Variants in PAWR observed in about 807,000 individuals in gnomAD.
The protein encoded by PAWR is pro-apoptotic WT1 regulator.
Under a neutral mutation model 32.0 loss-of-function variants are expected in PAWR, and 23 were observed. The observed-to-expected ratio is 0.72, with a 90% CI of 0.52 to 1.02. The LOEUF (loss-of-function observed/expected upper bound fraction) is 1.02. PAWR is among the 50% of genes least tolerant of loss of function. PAWR has a pLI of 0.00. For synonymous variants in PAWR, 226 were observed against 187.1 expected, an observed-to-expected ratio of 1.21 and a Z score of -1.70; for missense variants, 457 against 437.7, an observed-to-expected ratio of 1.04 and a Z score of -0.39.
intron 2 of PAWR, among the ~76,000 whole-genome samples, chr12:79,623,920 T>C (rs1449663196): frequency 2.0e-5 from 3 of 151,954 alleles, no homozygotes; most frequent in Non-Finnish European, 2.9e-5. Context: ...TAAAATAGCA[T>C]AAAAGGCATT....
chr12:79,667,313 A>T (rs1374325637), intron 2 of PAWR, among the ~76,000 whole-genome samples: 1 of 152,236 alleles, frequency 6.6e-6, no homozygotes, highest in Non-Finnish European at 1.5e-5. Flanking sequence ...GGAAGTACAA[A>T]ATACCACATA....
At chr12:79,640,010 T>C (rs1362176773) in intron 2 of PAWR, among the ~76,000 whole-genome samples, 3 of 152,062 alleles carry the variant, frequency 2.0e-5, no homozygotes, top group African/African-American at 7.2e-5. Flanking sequence ...GTTCAAGTAA[T>C]TCTCCTGCCT....
At chr12:79,599,548 C>A (rs897403479) in intron 4 of PAWR, among the ~76,000 whole-genome samples, 3 of 152,168 alleles carry the variant, frequency 2.0e-5, no homozygotes, top group Non-Finnish European at 4.4e-5. Flanking sequence ...GATACTGTAA[C>A]CCTTTGCAAG....
chr12:79,616,971 C>A (rs779945309), intron 3 of PAWR, among the ~76,000 whole-genome samples: 1 of 152,202 alleles, frequency 6.6e-6, no homozygotes, highest in Non-Finnish European at 1.5e-5. Context: ...TTGAAGCACA[C>A]AGACGACACG....
intron 2 of PAWR, among the ~76,000 whole-genome samples, chr12:79,641,054 T>G (rs1161705494): frequency 6.6e-6 from 1 of 152,208 alleles, no homozygotes; most frequent in Non-Finnish European, 1.5e-5. Context: ...TACAACACAC[T>G]CATCATTAAA....
At chr12:79,657,281 G>A (rs1190069315) in intron 2 of PAWR, among the ~76,000 whole-genome samples, 4 of 152,124 alleles carry the variant, frequency 2.6e-5, no homozygotes, top group Non-Finnish European at 5.9e-5. Context: ...GGATTACAAA[G>A]GAACACGGGT....
intron 2 of PAWR, among the ~76,000 whole-genome samples, chr12:79,675,849 C>G (rs1002640257): frequency 5.3e-5 from 8 of 151,992 alleles, no homozygotes; most frequent in Non-Finnish European, 8.8e-5. Flanking sequence ...TGCAGCAAAT[C>G]TGCAAATGTA....
intron 2 of PAWR, among the ~76,000 whole-genome samples, chr12:79,676,951 A>G (rs934676150): frequency 2.6e-5 from 4 of 152,230 alleles, no homozygotes; most frequent in African/African-American, 9.6e-5. Flanking sequence ...TACTAAGAGT[A>G]TGACCTAACA....
intron 4 of PAWR, among the ~76,000 whole-genome samples, chr12:79,601,509 A>G (rs1310595439): frequency 6.6e-6 from 1 of 152,084 alleles, no homozygotes; most frequent in Non-Finnish European, 1.5e-5. Context: ...CTGGCCCTGA[A>G]AGCTATTTTA....
At chr12:79,661,065 C>T (rs1264416141) in intron 2 of PAWR, among the ~76,000 whole-genome samples, 1 of 151,324 alleles carries the variant, frequency 6.6e-6, no homozygotes, top group Non-Finnish European at 1.5e-5. Flanking sequence ...GTCAGGAGTT[C>T]GAGACCAGCC....
At chr12:79,654,810 G>A (rs1443157130) in intron 2 of PAWR, among the ~76,000 whole-genome samples, 1 of 151,972 alleles carries the variant, frequency 6.6e-6, no homozygotes, top group African/African-American at 2.4e-5. Context: ...ACAACACGGA[G>A]GAAACCACCC....
At chr12:79,672,938 C>T (rs563939946) in intron 2 of PAWR, among the ~76,000 whole-genome samples, 38 of 152,228 alleles carry the variant, frequency 2.5e-4, no homozygotes, top group African/African-American at 8.9e-4. Flanking sequence ...ATCTCTAAAA[C>T]AATTCTTCTA....
intron 2 of PAWR, among the ~76,000 whole-genome samples, chr12:79,651,704 G>T (rs1003347421): frequency 6.6e-6 from 1 of 151,618 alleles, no homozygotes; most frequent in Non-Finnish European, 1.5e-5. Flanking sequence ...AAAAAATGGC[G>T]GGGGCTGGGG....
In PAWR at chr12:79,690,082, C is replaced by A; in HGVS notation, c.163G>T (p.Ala55Ser). 1 of 1,429,424 alleles carries A rather than the reference C, an allele frequency of 7.0e-7. No individual in the cohort carries two copies. Among genetic ancestry groups the A allele is most frequent in the Non-Finnish European group, 9.1e-7 (1 of 1,100,490 alleles). The allele number at this position is 1,429,424 out of a possible 1,614,324, so 88.5% of individuals were successfully genotyped here. A position where few individuals can be genotyped will look rare whatever the true frequency, so the allele number is the denominator to read the frequency against. Residue 55 changes from alanine (A) to serine (S), a missense_variant, in exon 2 of 7, where the codon GCG (alanine) becomes TCG (serine). Coordinates refer to ENST00000328827, the MANE Select transcript of PAWR (RefSeq NM_002583.4). ...GCCGCCGGGGTGCCCAGAGCCCCCG[C>A]GGGGGGCTTCCCAGCGGCGTCGCTG... is the stretch of plus-strand genomic sequence containing the variant. ...GSSDAAGKPP[A>S]GALGTPAAAA... is the part of the protein sequence containing the mutation.
At chr12:79,685,240 G>T (rs1198206327) in intron 2 of PAWR, among the ~76,000 whole-genome samples, 2 of 152,158 alleles carry the variant, frequency 1.3e-5, no homozygotes. Flanking sequence ...AACAGTCTCA[G>T]TGTTTACACT....
At position 79,587,153 on chromosome 12, in the gene PAWR, G is replaced by T. The variant is rs186129572; in HGVS notation, c.*5454C>A. On this transcript the variant is annotated 3_prime_UTR_variant, in exon 7 of 7. Transcript: ENST00000328827. ...GGTTCCATTTCATGTAAGATTATGT[G>T]ACCTTGGAAAAATTTACTGGCTTGC... 1 of 152,032 alleles carries T rather than the reference G, an allele frequency of 6.6e-6. No individual in the cohort carries two copies. Among genetic ancestry groups the T allele is most frequent in the Non-Finnish European group, 1.5e-5 (1 of 67,958 alleles). The allele number at this position is 152,032 out of a possible 1,614,324, so 9.4% of individuals were successfully genotyped here.
intron 2 of PAWR, among the ~76,000 whole-genome samples, chr12:79,648,350 A>G (rs1314886822): frequency 6.6e-6 from 1 of 152,104 alleles, no homozygotes; most frequent in South Asian, 2.1e-4. Flanking sequence ...AGACTTAATT[A>G]CATTGCTGGT....
chr12:79,685,793 T>C (rs1369136033), intron 2 of PAWR, among the ~76,000 whole-genome samples: 6 of 152,308 alleles, frequency 3.9e-5, no homozygotes, highest in Non-Finnish European at 7.4e-5. Flanking sequence ...AAGATAATCT[T>C]TAATAAAAAG....
At chr12:79,601,771 T>A (rs534499534) in intron 4 of PAWR, among the ~76,000 whole-genome samples, 2 of 152,322 alleles carry the variant, frequency 1.3e-5, no homozygotes, top group South Asian at 4.1e-4. Context: ...CTTAACACCG[T>A]GTGATACAGA....
Sources: gnomAD v4.1 joint callset for allele counts (sites outside exome capture counted in the v4.1 genomes callset) on GRCh38, gnomAD v4.1.1 for gene constraint, MANE v1.5 for transcripts, NCBI Gene and HGNC (gene_info 2026-07-23, HGNC 2026-07-21) for gene names.